PUDP: variants seen among roughly 807,000 people sequenced by gnomAD.
PUDP encodes pseudouridine 5'-phosphatase.
In PUDP, 8 loss-of-function variants were observed where a neutral mutation model predicts 9.4. The observed-to-expected ratio is 0.85, with a 90% CI of 0.50 to 1.53. The LOEUF (loss-of-function observed/expected upper bound fraction) is 1.53. Among genes scored for constraint, PUDP ranks in the 40% most tolerant of loss-of-function variants. PUDP has a pLI of 0.00. For synonymous variants in PUDP, 99 were observed against 80.7 expected, an observed-to-expected ratio of 1.23 and a Z score of -1.22; for missense variants, 188 against 189.7, an observed-to-expected ratio of 0.99 and a Z score of 0.05.
At chrX:6,771,310 G>A (rs1925360080) in intron 3 of PUDP, among the ~76,000 whole-genome samples, 2 of 111,869 alleles carry the variant, frequency 1.8e-5, no homozygotes, top group Non-Finnish European at 3.8e-5. Flanking sequence ...TTTGCACGCT[G>A]GAATTATCTC....
chrX:6,787,858 C>T (rs1447940646), intron 3 of PUDP, among the ~76,000 whole-genome samples: 1 of 112,585 alleles, frequency 8.9e-6, no homozygotes, highest in Non-Finnish European at 1.9e-5. Context: ...GAAAAATATA[C>T]ATTCATGACT....
At chrX:7,085,226 C>G (rs903734645) in intron 2 of PUDP, 2 of 112,549 alleles carry the variant, frequency 1.8e-5, no homozygotes, top group Non-Finnish European at 3.8e-5. Context: ...TGCGAGGCTT[C>G]CTAAGGAAAC....
chrX:6,898,312 T>C (rs753955590), intron 3 of PUDP, among the ~76,000 whole-genome samples: 1 of 112,964 alleles, frequency 8.9e-6, no homozygotes, highest in South Asian at 3.6e-4. Context: ...CTCAACTCTG[T>C]TTTTCTTTCG....
chrX:7,069,258 A>G (rs1396822532), intron 3 of PUDP, among the ~76,000 whole-genome samples: 2 of 111,319 alleles, frequency 1.8e-5, no homozygotes, highest in Admixed American at 1.9e-4. Flanking sequence ...ATGCCCCCCG[A>G]GGCGAGGTGA....
intron 3 of PUDP, among the ~76,000 whole-genome samples, chrX:6,912,552 A>G (rs1289196015): frequency 1.8e-5 from 2 of 111,939 alleles, no homozygotes; most frequent in African/African-American, 6.5e-5. Context: ...TCTCCTTCAG[A>G]ATCACCATCT....
chrX:6,849,254 C>A (rs748213104), intron 3 of PUDP, among the ~76,000 whole-genome samples: 1 of 112,225 alleles, frequency 8.9e-6, no homozygotes, highest in Admixed American at 9.4e-5. Flanking sequence ...GTGGGTCATG[C>A]GAGCAAGTGT....
chrX:6,842,853 G>C (rs963113289), intron 3 of PUDP, among the ~76,000 whole-genome samples: 2 of 112,034 alleles, frequency 1.8e-5, no homozygotes, highest in Non-Finnish European at 3.8e-5. Flanking sequence ...CATTGGCTTC[G>C]GACCATCAAT....
At chrX:7,054,467 G>A (rs1436994982) in intron 3 of PUDP, among the ~76,000 whole-genome samples, 1 of 111,802 alleles carries the variant, frequency 8.9e-6, no homozygotes, top group Non-Finnish European at 1.9e-5. Context: ...CAACAGAAGG[G>A]CCATTTGAAA....
At chrX:6,723,774 A>G (rs1450080629), upstream of PUDP, among the ~76,000 whole-genome samples, 3 of 111,832 alleles carry the variant, frequency 2.7e-5, no homozygotes, top group African/African-American at 9.7e-5. Flanking sequence ...ACTTGAGGAC[A>G]GTGGGTATTT....
chrX:6,933,937 CAAT>C (rs1183033992), intron 3 of PUDP, among the ~76,000 whole-genome samples: 1 of 105,131 alleles, frequency 9.5e-6, no homozygotes, highest in African/African-American at 3.5e-5. Flanking sequence ...AGAGAAAAAA[CAAT>C]AAAAAGAAAT....
chrX:7,032,760 T>C (rs1187334817), intron 1 of PUDP, among the ~76,000 whole-genome samples: 1 of 111,977 alleles, frequency 8.9e-6, no homozygotes, highest in Non-Finnish European at 1.9e-5. Flanking sequence ...AAATATTCTA[T>C]ATCTTTATTA....
chrX:6,825,696 G>A (rs1345042364), intron 3 of PUDP, among the ~76,000 whole-genome samples: 1 of 110,624 alleles, frequency 9.0e-6, no homozygotes, highest in Non-Finnish European at 1.9e-5. Flanking sequence ...CAGCCAGTCT[G>A]TGAGCAGAGT....
At chrX:7,086,992 C>T (rs1335802297) in intron 2 of PUDP, among the ~76,000 whole-genome samples, 2 of 111,612 alleles carry the variant, frequency 1.8e-5, no homozygotes, top group African/African-American at 3.3e-5. Context: ...TGACTGAGTC[C>T]GCGCCCCAGC....
At chrX:7,141,819 A>T (rs1429013949) in intron 1 of PUDP, among the ~76,000 whole-genome samples, 1 of 112,342 alleles carries the variant, frequency 8.9e-6, no homozygotes, top group Non-Finnish European at 1.9e-5. Context: ...GTGCTCATTT[A>T]CAATTCTGAA....
At chrX:7,094,807 C>T (rs112045320) in intron 2 of PUDP, among the ~76,000 whole-genome samples, 3 of 112,091 alleles carry the variant, frequency 2.7e-5, no homozygotes, top group African/African-American at 9.7e-5. Context: ...AGGAACACAG[C>T]GTAAGTTGAA....
intron 2 of PUDP, among the ~76,000 whole-genome samples, chrX:7,079,491 T>G (rs1332587737): frequency 1.8e-5 from 2 of 112,706 alleles, no homozygotes; most frequent in Non-Finnish European, 3.7e-5. Context: ...TATGTAATAC[T>G]TCTCCCAACA....
intron 3 of PUDP, among the ~76,000 whole-genome samples, chrX:6,931,956 T>C (rs952352358): frequency 1.8e-5 from 2 of 112,329 alleles, no homozygotes; most frequent in East Asian, 5.6e-4. Context: ...TTAACTCTTT[T>C]GCTGCTTCAC....
chrX:6,875,226 G>T (rs1421243526), intron 3 of PUDP, among the ~76,000 whole-genome samples: 1 of 110,366 alleles, frequency 9.1e-6, no homozygotes, highest in Non-Finnish European at 1.9e-5. Flanking sequence ...GCGCCAACAG[G>T]CCTGGCTAAT....
chrX:6,946,053 C>T (rs953713241), intron 3 of PUDP, among the ~76,000 whole-genome samples: 1 of 111,401 alleles, frequency 9.0e-6, no homozygotes, highest in Non-Finnish European at 1.9e-5. Context: ...CCCGATGCTG[C>T]CCCTACCCTT....
Sources: gnomAD v4.1 joint callset for allele counts (sites outside exome capture counted in the v4.1 genomes callset) on GRCh38, gnomAD v4.1.1 for gene constraint, MANE v1.5 for transcripts, NCBI Gene and HGNC (gene_info 2026-07-23, HGNC 2026-07-21) for gene names.